Variants in DLGAP2 observed in about 807,000 individuals in gnomAD.
DLGAP2 encodes disks large-associated protein 2.
Under a neutral mutation model 100.3 loss-of-function variants are expected in DLGAP2, and 26 were observed. The observed-to-expected ratio is 0.26, with a 90% CI of 0.19 to 0.36. DLGAP2 has a LOEUF of 0.36. Among genes scored for constraint, DLGAP2 ranks in the 10% least tolerant of loss-of-function variants. DLGAP2 has a pLI of 1.00. For missense variants in DLGAP2, 1,858 were observed against 1,453.2 expected (o/e 1.28, Z -4.53); for synonymous variants, 886 against 630.1 (o/e 1.41, Z -6.08).
rs1418047126 is a variant in DLGAP2, at chr8:1,462,225, T to C, written c.107-39141T>C. 5.0e-4 allele frequency among the ~76,000 whole-genome samples: 29 copies of C among 58,508 alleles called. 1 individual carries two copies. Among genetic ancestry groups the C allele is most frequent in the African/African-American group, 7.4e-4 (10 of 13,458 alleles). 38.4% of individuals were successfully genotyped at this position (58,508 alleles called of 152,430 possible). A position where few individuals can be genotyped will look rare whatever the true frequency, so the allele number is the denominator to read the frequency against. ...TGGTGGCCAGGAGGAGGGAGAAGGGTGGCGTTCAGGTTGGGAGAAGGTGCT... is the reference window on the plus strand; with the variant it reads ...TGGTGGCCAGGAGGAGGGAGAAGGGCGGCGTTCAGGTTGGGAGAAGGTGCT... On this transcript the variant is annotated intron_variant, in intron 3 of 14. Coordinates refer to ENST00000637795, the MANE Select transcript of DLGAP2 (RefSeq NM_001346810.2).
intron 2 of DLGAP2, among the ~76,000 whole-genome samples, chr8:1,141,230 G>A (rs2129050485): frequency 6.6e-6 from 1 of 152,332 alleles, no homozygotes; most frequent in East Asian, 1.9e-4. Context: ...GTGTTCAACT[G>A]AGATTAGAGA....
chr8:761,175 T>C lies in DLGAP2; in HGVS notation c.18+23350T>C, dbSNP rs893979710. On this transcript the variant is annotated intron_variant, in intron 1 of 14. Transcript: ENST00000637795. The stretch of plus-strand genomic sequence containing the variant: ...ATCCTGGCTTGGGGGGCCAGGCCCC[T>C]TCTCTGCTCCCCCCCACTTTACTTT... 6.6e-5 allele frequency among the ~76,000 whole-genome samples: 10 copies of C among 152,266 alleles called. No individual in the cohort carries two copies. The East Asian group carries it at 1.9e-3, about 30-fold the overall frequency.
At chr8:1,329,668 G>C (rs968764144) in intron 3 of DLGAP2, among the ~76,000 whole-genome samples, 5 of 152,140 alleles carry the variant, frequency 3.3e-5, no homozygotes, top group African/African-American at 1.2e-4. Context: ...CCTTCTAACT[G>C]CAGAGACCAT....
chr8:1,267,613 T>TAA (rs879495675), intron 3 of DLGAP2, among the ~76,000 whole-genome samples: 1 of 93,434 alleles, frequency 1.1e-5, no homozygotes, highest in African/African-American at 5.8e-5. Flanking sequence ...TAAGATAAGA[T>TAA]AAGATAAGAT....
At chr8:1,453,256 GC>G (rs1798213127) in intron 3 of DLGAP2, among the ~76,000 whole-genome samples, 1 of 152,120 alleles carries the variant, frequency 6.6e-6, no homozygotes, top group African/African-American at 2.4e-5. Context: ...GGCCGTGCTG[GC>G]CGGTCAGGCT....
In DLGAP2 at chr8:1,377,809, G is replaced by T. The variant is rs1378619859; in HGVS notation, c.106+118926G>T. ...TTCACCTTTGTGATGTAAGAATCCAGCTCCGTGCAGAACCCGAGCATAGGC... is the reference window on the plus strand; with the variant it reads ...TTCACCTTTGTGATGTAAGAATCCATCTCCGTGCAGAACCCGAGCATAGGC... On this transcript the variant is annotated intron_variant, in intron 3 of 14. Coordinates refer to ENST00000637795, the MANE Select transcript of DLGAP2 (RefSeq NM_001346810.2). 3 of 152,310 alleles carry T rather than the reference G, an allele frequency of 2.0e-5. No homozygotes were observed. The South Asian group carries it at 6.2e-4, about 31-fold the overall frequency. The allele number at this position is 152,310 out of a possible 1,614,324, so 9.4% of individuals were successfully genotyped here.
intron 7 of DLGAP2, among the ~76,000 whole-genome samples, chr8:1,629,804 G>T (rs912075234): frequency 6.6e-6 from 1 of 152,186 alleles, no homozygotes; most frequent in Non-Finnish European, 1.5e-5. Context: ...TCAATTAAAT[G>T]GATCTCACAC....
chr8:1,569,738 G>T (rs998750509), intron 6 of DLGAP2, among the ~76,000 whole-genome samples: 12 of 152,236 alleles, frequency 7.9e-5, no homozygotes, highest in Admixed American at 5.2e-4. Flanking sequence ...AGCCACCAAG[G>T]CTCTCAGCTG....
At chr8:1,610,917 A>G (rs1254085360) in intron 6 of DLGAP2, among the ~76,000 whole-genome samples, 1 of 97,524 alleles carries the variant, frequency 1.0e-5, no homozygotes, top group Non-Finnish European at 2.0e-5. Context: ...AACCAAAAAG[A>G]GTCCAGGACA....
chr8:1,468,484 G>A (rs533210309), intron 3 of DLGAP2, among the ~76,000 whole-genome samples: 2 of 152,008 alleles, frequency 1.3e-5, no homozygotes, highest in Non-Finnish European at 2.9e-5. Flanking sequence ...GCATGGATCC[G>A]GGCTGGCCCT....
At chr8:869,867 A>G (rs1797565154) in intron 1 of DLGAP2, among the ~76,000 whole-genome samples, 1 of 152,086 alleles carries the variant, frequency 6.6e-6, no homozygotes, top group Non-Finnish European at 1.5e-5. Flanking sequence ...GACTCTGCTC[A>G]GGAAAGGACA....
chr8:976,529 G>A (rs1043686117), intron 2 of DLGAP2, among the ~76,000 whole-genome samples: 4 of 152,086 alleles, frequency 2.6e-5, no homozygotes, highest in South Asian at 2.1e-4. Flanking sequence ...GGCGAATGGC[G>A]TGAACCCGGG....
chr8:1,112,600 T>C (rs1223439931), intron 2 of DLGAP2, among the ~76,000 whole-genome samples: 1 of 152,256 alleles, frequency 6.6e-6, no homozygotes, highest in Admixed American at 6.5e-5. Flanking sequence ...AAGTTCCTTA[T>C]AGATACTGGA....
At chr8:894,026 CT>C (rs1798090054) in intron 1 of DLGAP2, among the ~76,000 whole-genome samples, 1 of 152,242 alleles carries the variant, frequency 6.6e-6, no homozygotes, top group Admixed American at 6.5e-5. Flanking sequence ...TCAGGCCCCT[CT>C]TGCTCTTCCC....
rs140590058 is a variant in DLGAP2, at chr8:1,655,293, T to C, written c.1811-13036T>C. On this transcript the variant is annotated intron_variant, in intron 8 of 14. Transcript: ENST00000637795. The stretch of plus-strand genomic sequence containing the variant: ...CTTTGATCCTCTATGTTGAATCTTT[T>C]GCCTTGAAAGTTTAGTTTGTCCAAT... Among the ~76,000 whole-genome samples the C allele has an allele frequency of 2.2e-3, 332 of 152,344 alleles. 1 individual carries two copies. Among genetic ancestry groups the C allele is most frequent in the African/African-American group, 7.6e-3 (314 of 41,588 alleles).
intron 2 of DLGAP2, among the ~76,000 whole-genome samples, chr8:1,031,059 C>T (rs1198235985): frequency 6.6e-6 from 1 of 152,202 alleles, no homozygotes; most frequent in South Asian, 2.1e-4. Context: ...TGCCTCCACT[C>T]TGTTCCCAGA....
chr8:1,310,565 C>T (rs941766834), intron 3 of DLGAP2, among the ~76,000 whole-genome samples: 1 of 152,216 alleles, frequency 6.6e-6, no homozygotes, highest in Admixed American at 6.5e-5. Context: ...GTACATGAAA[C>T]ATTCTCCACA....
chr8:1,254,528 C>T (rs528916596), intron 2 of DLGAP2, among the ~76,000 whole-genome samples: 13 of 152,114 alleles, frequency 8.5e-5, no homozygotes, highest in South Asian at 4.2e-4. Flanking sequence ...TACCGTGGGG[C>T]GCGATCATTG....
intron 1 of DLGAP2, among the ~76,000 whole-genome samples, chr8:885,792 C>G (rs578144085): frequency 1.6e-4 from 24 of 152,160 alleles, no homozygotes; most frequent in African/African-American, 5.3e-4. Context: ...GAGATATGTT[C>G]CTTCAATACC....
Sources: allele counts gnomAD v4.1 joint callset (sites outside exome capture counted in the v4.1 genomes callset), GRCh38; gene constraint gnomAD v4.1.1; transcripts MANE v1.5; gene names NCBI Gene and HGNC (gene_info 2026-07-23, HGNC 2026-07-21).